The following CDH23 variants were observed in gnomAD, a reference collection of about 807,000 sequenced individuals.
CDH23 encodes the protein cadherin-23.
A neutral mutation model predicts 317.1 loss-of-function variants in CDH23; 189 were observed. That is an observed-to-expected ratio of 0.60 (90% CI 0.53 to 0.67). The LOEUF (loss-of-function observed/expected upper bound fraction) is 0.67. Ranked by LOEUF, CDH23 falls within the 30% of genes least tolerant of loss-of-function variation. CDH23 has a pLI of 0.00. For missense variants in CDH23, 4,401 were observed against 4,592.4 expected (o/e 0.96, Z 1.20); for synonymous variants, 1,839 against 1,876.8 (o/e 0.98, Z 0.52).
intron 46 of CDH23, chr10:71,790,722 G>A (rs1841227842): frequency 8.4e-6 from 4 of 475,430 alleles, no homozygotes; most frequent in South Asian, 2.6e-5. Context: ...CAGGCCCCTA[G>A]TCCAGCAGAA....
At chr10:71,535,171 C>T (rs1855626725) in intron 6 of CDH23, among the ~76,000 whole-genome samples, 1 of 152,244 alleles carries the variant, frequency 6.6e-6, no homozygotes, top group South Asian at 2.1e-4. Context: ...AGCAGTAGGA[C>T]TGAAGGAAGG....
intron 38 of CDH23, among the ~76,000 whole-genome samples, chr10:71,743,734 G>A (rs1839791602): frequency 1.3e-5 from 2 of 152,344 alleles, no homozygotes; most frequent in Admixed American, 1.3e-4. Context: ...CTTCAGGGTG[G>A]ATCATCTTGG....
At chr10:71,802,799 C>A in intron 53 of CDH23, 99 bp from the exon 54 acceptor site, 1 of 1,285,562 alleles carries the variant, frequency 7.8e-7, no homozygotes. Flanking sequence ...CAGGCTGGTG[C>A]CTGTCCTTCC....
Position 71,761,773 on chromosome 10 carries a change from G to T in CDH23, c.4846-15907G>T. On this transcript the variant is annotated intron_variant, in intron 38 of 69. Coordinates refer to ENST00000224721, the MANE Select transcript of CDH23 (RefSeq NM_022124.6). ...ACTCCAGCCCGTGGCGCTGAGCCAG[G>T]TCGTGGCTGGTGTTGGCAGCCTGGT... 6.2e-7 allele frequency: 1 copy of T among 1,614,166 alleles called. No homozygotes were observed.
chr10:71,755,136 T>A, intron 38 of CDH23: 2 of 657,366 alleles, frequency 3.0e-6, no homozygotes, highest in South Asian at 3.0e-5. Flanking sequence ...CAGCACTGCC[T>A]GGGAGCCAAA....
Position 71,511,013 on chromosome 10 carries a change from C to T in CDH23, c.336+12C>T. 1 of 1,613,828 alleles carries T rather than the reference C, an allele frequency of 6.2e-7. No individual in the cohort carries two copies. Among genetic ancestry groups the T allele is most frequent in the East Asian group, 2.2e-5 (1 of 44,876 alleles). On this transcript the variant is annotated intron_variant, in intron 5 of 69. Transcript: ENST00000224721. Reference sequence around the variant, plus strand: ...GCGACCACCAGGGGGTGAGTGTTCCCTGGGGCCCTGGAGGCATGTTCCTGG... The same window carrying T: ...GCGACCACCAGGGGGTGAGTGTTCCTTGGGGCCCTGGAGGCATGTTCCTGG...
intron 9 of CDH23, among the ~76,000 whole-genome samples, chr10:71,594,780 A>T (rs747089633): frequency 6.6e-6 from 1 of 152,182 alleles, no homozygotes; most frequent in Non-Finnish European, 1.5e-5. Flanking sequence ...TGACCCCCAC[A>T]CACTCTGCAT....
At chr10:71,731,861 G>T in intron 31 of CDH23, 126 bp from the exon 32 acceptor site, 1 of 918,680 alleles carries the variant, frequency 1.1e-6, no homozygotes, top group Non-Finnish European at 1.6e-6. Flanking sequence ...TGATCCTGCC[G>T]GCAGAGGTGG....
At chr10:71,557,303 A>T (rs1424757734) in intron 6 of CDH23, among the ~76,000 whole-genome samples, 2 of 152,148 alleles carry the variant, frequency 1.3e-5, no homozygotes, top group Non-Finnish European at 2.9e-5. Context: ...GCCTCTCAGC[A>T]TATTCAAAGT....
At chr10:71,602,185 T>C (rs1275131258) in intron 9 of CDH23, among the ~76,000 whole-genome samples, 1 of 152,158 alleles carries the variant, frequency 6.6e-6, no homozygotes, top group Non-Finnish European at 1.5e-5. Context: ...CTTCCACAGA[T>C]TTGAAAGTCA....
chr10:71,645,726 A>C lies in CDH23; in HGVS notation c.1141-105A>C, dbSNP rs150648601. The C allele has an allele frequency of 1.7e-4, 232 of 1,350,974 alleles. 2 individuals carry two copies. The African/African-American group carries it at 2.0e-3, about 12-fold the overall frequency. 83.7% of individuals were successfully genotyped at this position (1,350,974 alleles called of 1,614,324 possible). On this transcript the variant is annotated intron_variant, in intron 12 of 69. Transcript: ENST00000224721. ...AGCGCCTCATCCATTGCCCCAACCA[A>C]AGCAGCTCTGGGCTCACTCTCCAGG...
Position 71,732,311 on chromosome 10 carries a change from C to A in CDH23, c.4040C>A (p.Thr1347Lys). The change falls in exon 32 of 70, where the codon ACG (threonine) becomes AAG (lysine). Residue 1347 changes from threonine to lysine, a missense_variant. Physicochemically the swap from Thr to Lys is moderately conservative, Grantham distance 78. Transcript: ENST00000224721. ...AYSIDNLNQI[T>K]YRFNAYTSTQ... ...TCCATCGACAACCTCAACCAAATCA[C>A]GTACCGCTTCAACGCCTACACCAGC... 2.5e-6 allele frequency: 4 copies of A among 1,606,952 alleles called. No homozygotes were observed. Among genetic ancestry groups the A allele is most frequent in the Non-Finnish European group, 3.4e-6 (4 of 1,176,480 alleles).
At chr10:71,492,383 C>T (rs1486423799) in intron 3 of CDH23, among the ~76,000 whole-genome samples, 1 of 152,168 alleles carries the variant, frequency 6.6e-6, no homozygotes, top group Non-Finnish European at 1.5e-5. Flanking sequence ...AGTTTTCCCT[C>T]TGCCTAGTTA....
chr10:71,679,003 G>T (rs1346182346), intron 16 of CDH23, among the ~76,000 whole-genome samples: 2 of 152,092 alleles, frequency 1.3e-5, no homozygotes, highest in African/African-American at 2.4e-5. Context: ...GCCCTAACCG[G>T]CTCCGGGAGT....
intron 1 of CDH23, among the ~76,000 whole-genome samples, chr10:71,405,054 C>G (rs1321595555): frequency 6.6e-6 from 1 of 152,166 alleles, no homozygotes; most frequent in African/African-American, 2.4e-5. Context: ...GTCTGGGTTT[C>G]CATTTGTATC....
At chr10:71,709,010 G>A (rs774131917) in intron 26 of CDH23, 88 bp from the exon 27 acceptor site, 39 of 1,187,274 alleles carry the variant, frequency 3.3e-5, no homozygotes, top group East Asian at 2.4e-4. Flanking sequence ...ACTCACCATC[G>A]CGGGTCCCAG....
intron 3 of CDH23, among the ~76,000 whole-genome samples, chr10:71,467,887 G>A (rs1056476816): frequency 6.6e-6 from 1 of 152,102 alleles, no homozygotes; most frequent in Non-Finnish European, 1.5e-5. Flanking sequence ...CATGACTCCC[G>A]GCCAGTGCCT....
intron 6 of CDH23, among the ~76,000 whole-genome samples, chr10:71,552,901 C>T (rs1478625265): frequency 2.6e-5 from 4 of 152,090 alleles, no homozygotes; most frequent in African/African-American, 4.8e-5. Flanking sequence ...AGGTAGGGGA[C>T]GTCAGGGAGT....
intron 1 of CDH23, among the ~76,000 whole-genome samples, chr10:71,425,850 T>A (rs1183486567): frequency 2.0e-5 from 3 of 152,194 alleles, no homozygotes; most frequent in East Asian, 3.9e-4. Context: ...GTTAAAGTCA[T>A]CACGGAGGTG....
Sources: gnomAD v4.1 joint callset for allele counts (sites outside exome capture counted in the v4.1 genomes callset) on GRCh38, gnomAD v4.1.1 for gene constraint, MANE v1.5 for transcripts, NCBI Gene and HGNC (gene_info 2026-07-23, HGNC 2026-07-21) for gene names.